Variants in DNAH14 observed in about 807,000 individuals in gnomAD.
DNAH14 encodes axonemal beta dynein heavy chain 14.
In DNAH14, 478 loss-of-function variants were observed where a neutral mutation model predicts 520.9. The observed-to-expected ratio is 0.92, with a 90% CI of 0.85 to 0.99. The LOEUF is 0.99. Ranked by LOEUF, DNAH14 falls within the 50% of genes least tolerant of loss-of-function variation. The pLI, the probability that DNAH14 is intolerant of heterozygous loss-of-function variation, is 0.00. For synonymous variants in DNAH14, 1,581 were observed against 1,757.2 expected (o/e 0.90, Z 2.51); for missense variants, 4,831 against 5,234.5 (o/e 0.92, Z 2.38).
intron 3 of DNAH14, among the ~76,000 whole-genome samples, chr1:224,958,946 TAAAG>T (rs1312511151): frequency 6.6e-6 from 1 of 152,058 alleles, no homozygotes; most frequent in Non-Finnish European, 1.5e-5. Context: ...TTTTATTTAT[TAAAG>T]AAAGAGGGCA....
chr1:224,957,192 GAGA>G (rs1262901078), intron 3 of DNAH14, among the ~76,000 whole-genome samples: 1 of 152,088 alleles, frequency 6.6e-6, no homozygotes. Context: ...GTTGGTGAGA[GAGA>G]AGGAGGTGTC....
At chr1:225,316,612 C>T (rs1333481767) in intron 60 of DNAH14, among the ~76,000 whole-genome samples, 1 of 152,158 alleles carries the variant, frequency 6.6e-6, no homozygotes, top group East Asian at 1.9e-4. Flanking sequence ...GAGGGAGTTC[C>T]CTGACCCCTT....
intron 1 of DNAH14, among the ~76,000 whole-genome samples, chr1:224,942,837 C>A (rs2059518012): frequency 6.6e-6 from 1 of 152,190 alleles, no homozygotes; most frequent in African/African-American, 2.4e-5. Flanking sequence ...ACCAGCCTTG[C>A]ATCCCAGGGA....
At chr1:224,953,047 C>T in intron 2 of DNAH14, 1 of 243,086 alleles carries the variant, frequency 4.1e-6, no homozygotes, top group Non-Finnish European at 8.0e-6. Context: ...AGAAATTAAC[C>T]AACAACTGAG....
intron 75 of DNAH14, among the ~76,000 whole-genome samples, chr1:225,361,311 T>A (rs901510790): frequency 1.8e-4 from 28 of 152,258 alleles, no homozygotes; most frequent in Non-Finnish European, 4.0e-4. Flanking sequence ...GTATCTATTC[T>A]GACTTTCTCT....
At chr1:225,138,688 C>T (rs762107895) in intron 27 of DNAH14, among the ~76,000 whole-genome samples, 29 of 152,134 alleles carry the variant, frequency 1.9e-4, no homozygotes, top group Non-Finnish European at 4.0e-4. Flanking sequence ...GTGGGAAAAG[C>T]ATGGTTTCCC....
chr1:225,043,276 GAAAAAAAA>G (rs10671374), intron 13 of DNAH14, among the ~76,000 whole-genome samples, 162 bp downstream of exon 13: 3 of 98,162 alleles, frequency 3.1e-5, no homozygotes, highest in South Asian at 8.5e-4. Flanking sequence ...GTCTCTTGGG[GAAAAAAAA>G]AAAAAAAAAA....
At position 225,117,717 on chromosome 1, in the gene DNAH14, A is replaced by G; in HGVS notation, c.3901A>G (p.Arg1301Gly). ...TGAAGTTAAAAGATTAATTTTCCCAAGATTTTACTTTCTTAGCAATGCCGA... is the reference window on the plus strand; with the variant it reads ...TGAAGTTAAAAGATTAATTTTCCCAGGATTTTACTTTCTTAGCAATGCCGA... ...YLEVKRLIFPRFYFLSNAELL... is the reference protein window; with the variant it reads ...YLEVKRLIFPGFYFLSNAELL... The change falls in exon 24 of 86, where the codon AGA becomes GGA. Residue 1301 changes from arginine (R) to glycine (G), a missense_variant. Physicochemically the swap from Arg to Gly is moderately radical, Grantham distance 125. Transcript: ENST00000682510. 4.5e-6 allele frequency: 7 copies of G among 1,549,648 alleles called. No homozygotes were observed. The South Asian group carries it at 8.3e-5, about 18-fold the overall frequency.
chr1:225,127,810 T>A (rs1163624253), intron 27 of DNAH14, among the ~76,000 whole-genome samples: 1 of 152,204 alleles, frequency 6.6e-6, no homozygotes, highest in Non-Finnish European at 1.5e-5. Context: ...GTCTCGATGA[T>A]CTTTACATTT....
intron 23 of DNAH14, 67 bp from the exon 24 acceptor site, chr1:225,117,617 A>G (rs1304189478): frequency 1.0e-6 from 1 of 976,462 alleles, no homozygotes; most frequent in Non-Finnish European, 1.5e-6. Flanking sequence ...ATAGGTCAAA[A>G]TGAGGATGTA....
intron 73 of DNAH14, among the ~76,000 whole-genome samples, chr1:225,357,422 CA>C (rs905987583): frequency 4.6e-5 from 7 of 151,828 alleles, no homozygotes; most frequent in African/African-American, 1.5e-4. Context: ...ACATTGGTGA[CA>C]AAAAAATTAT....
chr1:225,289,878 C>T lies in DNAH14; in HGVS notation c.8272-7C>T, dbSNP rs1445750348. The T allele has an allele frequency of 4.4e-6, 6 of 1,356,034 alleles. No homozygotes were observed. Among genetic ancestry groups the T allele is most frequent in the East Asian group, 5.6e-5 (2 of 35,862 alleles). 84.0% of individuals were successfully genotyped at this position (1,356,034 alleles called of 1,614,324 possible). A position where few individuals can be genotyped will look rare whatever the true frequency, so the allele number is the denominator to read the frequency against. On this transcript the variant is annotated splice_polypyrimidine_tract_variant and splice_region_variant and intron_variant, in intron 54 of 85. Coordinates refer to ENST00000682510, the MANE Select transcript of DNAH14 (RefSeq NM_001367479.1). ...ATGTCATGTGTTGTATTTCTTTTCTCCCAAAGATTGGAATAGATGGATGTG... is the reference window on the plus strand; with the variant it reads ...ATGTCATGTGTTGTATTTCTTTTCTTCCAAAGATTGGAATAGATGGATGTG...
intron 41 of DNAH14, among the ~76,000 whole-genome samples, chr1:225,212,333 CTT>C: frequency 6.6e-6 from 1 of 152,108 alleles, no homozygotes; most frequent in African/African-American, 2.4e-5. Context: ...GGTTCCAACT[CTT>C]TGAGATTGTG....
In DNAH14 at chr1:225,153,808, A is replaced by C. The variant is rs1158525886; in HGVS notation, c.5255A>C (p.Lys1752Thr). The C allele has an allele frequency of 6.5e-7, 1 of 1,550,230 alleles. No homozygotes were observed. Among genetic ancestry groups the C allele is most frequent in the South Asian group, 1.2e-5 (1 of 83,866 alleles). ...LKIVLIMAGTKKREFKCDTSD... is the reference protein window; with the variant it reads ...LKIVLIMAGTTKREFKCDTSD... ...ATAGTTTTAATAATGGCTGGAACGA[A>C]GAAACGGGAGTTTAAATGGTCAGTT... Residue 1752 changes from lysine (K) to threonine (T), a missense_variant, in exon 34 of 86, where the codon AAG becomes ACG. Lys to Thr is a moderately conservative substitution (Grantham distance 78). Coordinates refer to ENST00000682510, the MANE Select transcript of DNAH14 (RefSeq NM_001367479.1).
At chr1:225,341,487 A>G (rs889525484) in intron 69 of DNAH14, among the ~76,000 whole-genome samples, 7 of 152,000 alleles carry the variant, frequency 4.6e-5, no homozygotes, top group African/African-American at 1.4e-4. Context: ...ACCAACATGG[A>G]GAAACCCCGT....
intron 17 of DNAH14, among the ~76,000 whole-genome samples, chr1:225,072,942 A>G (rs976265681): frequency 6.6e-6 from 1 of 152,038 alleles, no homozygotes; most frequent in Non-Finnish European, 1.5e-5. Context: ...ACATGGCTGG[A>G]GACCCTAATT....
At chr1:225,024,289 A>G (rs368423936) in intron 11 of DNAH14, 233 of 982,250 alleles carry the variant, frequency 2.4e-4, no homozygotes, top group South Asian at 3.8e-4. Context: ...ACAAAGTCCA[A>G]TTGGAATTTG....
chr1:225,120,517 A>G (rs1294484556), intron 26 of DNAH14, among the ~76,000 whole-genome samples: 1 of 152,246 alleles, frequency 6.6e-6, no homozygotes, highest in African/African-American at 2.4e-5. Context: ...TTTTCAGGAA[A>G]GGGCTGTTGC....
intron 23 of DNAH14, among the ~76,000 whole-genome samples, chr1:225,109,636 C>CAT (rs1311725320): frequency 6.6e-6 from 1 of 152,068 alleles, no homozygotes; most frequent in Admixed American, 6.6e-5. Flanking sequence ...TATATAAGAT[C>CAT]ATATCATCTG....
Sources: gnomAD v4.1 joint callset for allele counts (sites outside exome capture counted in the v4.1 genomes callset) on GRCh38, gnomAD v4.1.1 for gene constraint, MANE v1.5 for transcripts, NCBI Gene and HGNC (gene_info 2026-07-23, HGNC 2026-07-21) for gene names.